The following AGBL4 variants were observed in gnomAD, a reference collection of about 807,000 sequenced individuals.
The protein encoded by AGBL4 is AGBL carboxypeptidase 4, also known as cytosolic carboxypeptidase 6.
Under a neutral mutation model 66.4 loss-of-function variants are expected in AGBL4, and 58 were observed. The ratio of observed to expected loss-of-function variants is 0.87; its 90% CI spans 0.71 to 1.09. The LOEUF is 1.09. Among genes scored for constraint, AGBL4 ranks in the 50% least tolerant of loss-of-function variants. AGBL4 has a pLI of 0.00. For missense variants in AGBL4, 579 were observed against 631.0 expected (o/e 0.92, Z 0.88); for synonymous variants, 234 against 222.9 (o/e 1.05, Z -0.44).
At chr1:50,021,335 T>C (rs1662429600) in intron 1 of AGBL4, among the ~76,000 whole-genome samples, 1 of 152,214 alleles carries the variant, frequency 6.6e-6, no homozygotes, top group African/African-American at 2.4e-5. Context: ...TGAGTAATTA[T>C]TTCTATGTCA....
intron 3 of AGBL4, among the ~76,000 whole-genome samples, chr1:49,554,006 G>C (rs1401858806): frequency 6.6e-6 from 1 of 152,022 alleles, no homozygotes; most frequent in Non-Finnish European, 1.5e-5. Context: ...TGGCGTTAGT[G>C]GTGCAATTCC....
At chr1:49,291,645 T>C (rs1047649244) in intron 3 of AGBL4, among the ~76,000 whole-genome samples, 2 of 152,222 alleles carry the variant, frequency 1.3e-5, no homozygotes, top group Non-Finnish European at 2.9e-5. Context: ...AGAGTATTAA[T>C]TGGAAGAAGA....
intron 5 of AGBL4, among the ~76,000 whole-genome samples, chr1:48,972,551 G>T (rs754653458): frequency 6.6e-6 from 1 of 152,114 alleles, no homozygotes; most frequent in Non-Finnish European, 1.5e-5. Flanking sequence ...GTGAAGAAAG[G>T]TTAAATAATT....
rs192503697 is a variant in AGBL4, at chr1:49,668,576, G to A, written c.282+28737C>T. Among the ~76,000 whole-genome samples, 9 of 152,242 alleles carry A rather than the reference G, an allele frequency of 5.9e-5. No individual in the cohort carries two copies. The East Asian group carries it at 1.7e-3, about 29-fold the overall frequency. On this transcript the variant is annotated intron_variant, in intron 3 of 13. Coordinates refer to ENST00000371839, the MANE Select transcript of AGBL4 (RefSeq NM_032785.4). ...GTAATGGTGTGTCAGAAATCTACCA[G>A]TAACTGCCTAATGTTTCCCTTAAAC...
At chr1:49,280,108 C>G (rs1644245454) in intron 3 of AGBL4, among the ~76,000 whole-genome samples, 1 of 152,046 alleles carries the variant, frequency 6.6e-6, no homozygotes, top group East Asian at 1.9e-4. Flanking sequence ...TCCACTTGGA[C>G]CTGCCAGCTA....
chr1:49,546,128 T>C (rs946492634), intron 3 of AGBL4, among the ~76,000 whole-genome samples: 4 of 152,252 alleles, frequency 2.6e-5, no homozygotes, highest in East Asian at 1.9e-4. Context: ...GAACATATGA[T>C]GTTTGGTTTT....
chr1:49,877,429 G>C (rs1157652102), intron 1 of AGBL4, among the ~76,000 whole-genome samples: 1 of 151,916 alleles, frequency 6.6e-6, no homozygotes, highest in Non-Finnish European at 1.5e-5. Context: ...TGTGGTTTTT[G>C]TCTTTGGTTC....
intron 2 of AGBL4, among the ~76,000 whole-genome samples, chr1:49,724,314 C>T (rs1648844469): frequency 6.6e-6 from 1 of 152,088 alleles, no homozygotes; most frequent in Non-Finnish European, 1.5e-5. Flanking sequence ...GTAAATTAAT[C>T]AAACCCTATA....
At chr1:48,620,828 T>G (rs924381104) in intron 9 of AGBL4, among the ~76,000 whole-genome samples, 2 of 152,142 alleles carry the variant, frequency 1.3e-5, no homozygotes, top group African/African-American at 2.4e-5. Flanking sequence ...GGTTTTTGTG[T>G]GTGTATGTGG....
chr1:49,068,174 TA>T (rs1644527006), intron 4 of AGBL4, among the ~76,000 whole-genome samples: 1 of 152,182 alleles, frequency 6.6e-6, no homozygotes, highest in African/African-American at 2.4e-5. Context: ...TTTATAGTAA[TA>T]ATATCTACCA....
Position 49,872,317 on chromosome 1 carries a change from A to G in AGBL4, c.35-20799T>C, listed in dbSNP as rs187446209. Among the ~76,000 whole-genome samples the G allele has an allele frequency of 9.9e-5, 15 of 152,200 alleles. No homozygotes were observed. In the East Asian group the frequency reaches 2.5e-3, roughly 25 times the overall value. On this transcript the variant is annotated intron_variant, in intron 1 of 13. Transcript: ENST00000371839. ...CAATATAATTATTCACAGAAGTTCA[A>G]TAAGAACCTATTTTCTTTTATAATA... is the stretch of plus-strand genomic sequence containing the variant.
intron 3 of AGBL4, among the ~76,000 whole-genome samples, chr1:49,350,564 A>G (rs1309857998): frequency 6.6e-6 from 1 of 152,210 alleles, no homozygotes; most frequent in African/African-American, 2.4e-5. Flanking sequence ...GAAAGAGGTG[A>G]GGTGGTTGTT....
chr1:49,023,951 C>T (rs1363534960), intron 5 of AGBL4, among the ~76,000 whole-genome samples: 1 of 152,120 alleles, frequency 6.6e-6, no homozygotes, highest in African/African-American at 2.4e-5. Flanking sequence ...AGTTCAGTCT[C>T]CCACTTGCTT....
intron 3 of AGBL4, among the ~76,000 whole-genome samples, chr1:49,580,949 T>C (rs1396516708): frequency 1.3e-5 from 2 of 152,200 alleles, no homozygotes; most frequent in East Asian, 1.9e-4. Flanking sequence ...ACTTGTTAAA[T>C]AGATTTTTAA....
chr1:49,449,075 A>G (rs1646221761), intron 3 of AGBL4, among the ~76,000 whole-genome samples: 1 of 152,058 alleles, frequency 6.6e-6, no homozygotes, highest in African/African-American at 2.4e-5. Context: ...GTGAATTACT[A>G]AATTGTGATA....
At chr1:49,566,339 G>C (rs1013863399) in intron 3 of AGBL4, among the ~76,000 whole-genome samples, 1 of 152,178 alleles carries the variant, frequency 6.6e-6, no homozygotes, top group African/African-American at 2.4e-5. Context: ...TCCGTTGCTG[G>C]TGAGGAGCTG....
At chr1:49,038,699 C>T (rs1312836215) in intron 5 of AGBL4, among the ~76,000 whole-genome samples, 1 of 152,018 alleles carries the variant, frequency 6.6e-6, no homozygotes, top group African/African-American at 2.4e-5. Flanking sequence ...ACTGACAACA[C>T]TACATGCTGG....
intron 3 of AGBL4, among the ~76,000 whole-genome samples, chr1:49,277,831 C>T (rs531569136): frequency 1.3e-5 from 2 of 152,054 alleles, no homozygotes; most frequent in South Asian, 4.2e-4. Context: ...GGCATTTTCC[C>T]ATATTGTTTT....
At position 49,618,348 on chromosome 1, in the gene AGBL4, A is replaced by ACCAGAGGTACAAAGAGGAGGTGGTACC. The variant is rs1328947815; in HGVS notation, c.282+78964_282+78965insGGTACCACCTCCTCTTTGTACCTCTGG. 2.5e-4 allele frequency among the ~76,000 whole-genome samples: 37 copies of ACCAGAGGTACAAAGAGGAGGTGGTACC among 150,922 alleles called. 1 individual carries two copies. Among genetic ancestry groups the ACCAGAGGTACAAAGAGGAGGTGGTACC allele is most frequent in the Admixed American group, 4.7e-4 (7 of 15,052 alleles). ...GTGCCTTTACAGGAGAATGATGTAT[A>ACCAGAGGTACAAAGAGGAGGTGGTACC]ATCCTTTGGGTATATGCTCAGTAAT... On this transcript the variant is annotated intron_variant, in intron 3 of 13. Transcript: ENST00000371839.
Sources: allele counts gnomAD v4.1 joint callset (sites outside exome capture counted in the v4.1 genomes callset), GRCh38; gene constraint gnomAD v4.1.1; transcripts MANE v1.5; gene names NCBI Gene and HGNC (gene_info 2026-07-23, HGNC 2026-07-21).